The following CYB5D2 variants were observed in gnomAD, a reference collection of about 807,000 sequenced individuals.
CYB5D2 encodes the protein neuferricin.
Under a neutral mutation model 22.8 loss-of-function variants are expected in CYB5D2, and 23 were observed. The ratio of observed to expected loss-of-function variants is 1.01; its 90% CI spans 0.73 to 1.43. The LOEUF (loss-of-function observed/expected upper bound fraction) is 1.43. Among genes scored for constraint, CYB5D2 ranks in the 40% most tolerant of loss-of-function variants. The pLI is 0.00. For synonymous variants in CYB5D2, 170 were observed against 152.2 expected, an observed-to-expected ratio of 1.12 and a Z score of -0.86; for missense variants, 373 against 357.2, an observed-to-expected ratio of 1.04 and a Z score of -0.36.
Position 4,143,382 on chromosome 17 carries a change from C to T in CYB5D2, c.-374C>T, listed in dbSNP as rs1289909117. On this transcript the variant is annotated 5_prime_UTR_variant, in exon 1 of 4. Transcript: ENST00000301391. ...TCTCTACTAAATACAAAATATTAGC[C>T]GGACGTGGGGGCGCGTGCCTGTAAT... is the stretch of plus-strand genomic sequence containing the variant. 12 of 188,152 alleles carry T rather than the reference C, an allele frequency of 6.4e-5. No individual in the cohort carries two copies. In the East Asian group the frequency reaches 1.8e-3, roughly 27 times the overall value. 11.7% of individuals were successfully genotyped at this position (188,152 alleles called of 1,614,324 possible).
chr17:4,143,529 G>GAA lies in CYB5D2; in HGVS notation c.-213_-212dup, dbSNP rs57320078. 154 of 357,002 alleles carry GAA rather than the reference G, an allele frequency of 4.3e-4. No individual in the cohort carries two copies. The highest frequency in any genetic ancestry group is 5.3e-4 in the East Asian group (10 of 18,848). The allele number at this position is 357,002 out of a possible 1,614,324, so 22.1% of individuals were successfully genotyped here. On this transcript the variant is annotated 5_prime_UTR_variant, in exon 1 of 4. Coordinates refer to ENST00000301391, the MANE Select transcript of CYB5D2 (RefSeq NM_144611.4). ...CAACAAGAGCTAAAACTCTGTCTCA[G>GAA]AAAAAAAAAAAAAAAGTACCTGGAA... is the stretch of plus-strand genomic sequence containing the variant.
In CYB5D2 at chr17:4,147,777, TG is replaced by T. The variant is rs543190029; in HGVS notation, c.251-2111del. Among the ~76,000 whole-genome samples, 11 of 152,150 alleles carry T rather than the reference TG, an allele frequency of 7.2e-5. No individual in the cohort carries two copies. In the South Asian group the frequency reaches 2.3e-3, roughly 32 times the overall value. ...CTGAGGCAGGAGAATTGCTTGAACC[TG>T]GGAGGCAGAGGTTGCGGTGAGCCGA... On this transcript the variant is annotated intron_variant, in intron 1 of 3. Transcript: ENST00000301391.
intron 1 of CYB5D2, among the ~76,000 whole-genome samples, chr17:4,147,236 A>G (rs2059002165): frequency 6.6e-6 from 1 of 152,074 alleles, no homozygotes; most frequent in African/African-American, 2.4e-5. Flanking sequence ...GCACCACTGC[A>G]CTCCAGCCTG....
At chr17:4,146,067 G>A (rs1177006229) in intron 1 of CYB5D2, among the ~76,000 whole-genome samples, 1 of 152,146 alleles carries the variant, frequency 6.6e-6, no homozygotes, top group African/African-American at 2.4e-5. Flanking sequence ...TGGGATTACA[G>A]GTGTGAGCCA....
chr17:4,149,130 A>G (rs528025683), intron 1 of CYB5D2, among the ~76,000 whole-genome samples: 2 of 152,250 alleles, frequency 1.3e-5, no homozygotes, highest in East Asian at 1.9e-4. Context: ...TGATCTTGTG[A>G]TATCTGTAAG....
In CYB5D2 at chr17:4,143,761, G is replaced by GAGGCCTATAT. The variant is rs748340832; in HGVS notation, c.9_10insCCTATATAGG (p.Cys4ProfsTer3). On this transcript the variant is annotated frameshift_variant, in exon 1 of 4. Coordinates refer to ENST00000301391, the MANE Select transcript of CYB5D2 (RefSeq NM_144611.4). LOFTEE classifies it high-confidence loss of function. ...GAGCGGGTGGGCCTATATAGATGTT[G>GAGGCCTATAT]AGGTGCGGAGGCCGTGGGCTTTTGT... The GAGGCCTATAT allele has an allele frequency of 3.8e-5, 62 of 1,613,300 alleles. No individual in the cohort carries two copies. In the Middle Eastern group the frequency reaches 5.1e-4, roughly 13 times the overall value.
chr17:4,157,238 C>G lies in CYB5D2; in HGVS notation c.*156C>G. ...TGCAAATGTGGCTCATGCCCCTTACCGTGGCTCGGCGTTGTGGTGCCTGAG... is the reference window on the plus strand; with the variant it reads ...TGCAAATGTGGCTCATGCCCCTTACGGTGGCTCGGCGTTGTGGTGCCTGAG... On this transcript the variant is annotated 3_prime_UTR_variant, in exon 4 of 4. Coordinates refer to ENST00000301391, the MANE Select transcript of CYB5D2 (RefSeq NM_144611.4). This position sits in a 1 kb window ranked among gnomAD's most constrained non-coding sequence, Gnocchi z 4.4. 1.2e-6 allele frequency: 1 copy of G among 845,244 alleles called. No homozygotes were observed. Among genetic ancestry groups the G allele is most frequent in the East Asian group, 2.7e-5 (1 of 37,538 alleles). 52.4% of individuals were successfully genotyped at this position (845,244 alleles called of 1,614,324 possible).
In CYB5D2 at chr17:4,143,354, C is replaced by T. The variant is rs2058910420; in HGVS notation, c.-402C>T. The T allele has an allele frequency of 5.7e-6, 1 of 176,306 alleles. No homozygotes were observed. The highest frequency in any genetic ancestry group is 2.4e-5 in the African/African-American group (1 of 42,028). 10.9% of individuals were successfully genotyped at this position (176,306 alleles called of 1,614,324 possible). A position where few individuals can be genotyped will look rare whatever the true frequency, so the allele number is the denominator to read the frequency against. On this transcript the variant is annotated 5_prime_UTR_variant, in exon 1 of 4. Transcript: ENST00000301391. ...CCAGCCTGACCAACGTGGTGAAACCCTGTCTCTACTAAATACAAAATATTA... is the reference window on the plus strand; with the variant it reads ...CCAGCCTGACCAACGTGGTGAAACCTTGTCTCTACTAAATACAAAATATTA...
chr17:4,154,883 C>T (rs1444531271), intron 3 of CYB5D2, 23 bp downstream of exon 3: 1 of 1,537,772 alleles, frequency 6.5e-7, no homozygotes, highest in African/African-American at 1.4e-5. Flanking sequence ...CCCTTCTTCT[C>T]CTTTCTGCCT....
intron 2 of CYB5D2, among the ~76,000 whole-genome samples, chr17:4,153,915 G>A (rs540813884): frequency 1.8e-4 from 28 of 152,308 alleles, no homozygotes; most frequent in African/African-American, 6.3e-4. Flanking sequence ...CACTAGAATC[G>A]AAGGTAAAGC....
In CYB5D2 at chr17:4,154,744, G is replaced by C. The variant is rs748080113; in HGVS notation, c.462G>C (p.Ala154=). 2 of 1,614,178 alleles carry C rather than the reference G, an allele frequency of 1.2e-6. No individual in the cohort carries two copies. The highest frequency in any genetic ancestry group is 2.2e-5 in the South Asian group (2 of 91,078). Residue 154 remains alanine (A), a synonymous_variant, in exon 3 of 4, where the codon GCG becomes GCC. Coordinates refer to ENST00000301391, the MANE Select transcript of CYB5D2 (RefSeq NM_144611.4). ...PTPALTQVEA[A]ITRGLEANKL... is the part of the protein sequence containing the mutation. ...CGGCACTGACCCAGGTAGAAGCTGC[G>C]ATCACCAGAGGCTTGGAGGCCAACA...
At chr17:4,144,153 A>T in intron 1 of CYB5D2, 148 bp downstream of exon 1, 1 of 1,147,046 alleles carries the variant, frequency 8.7e-7, no homozygotes, top group Non-Finnish European at 1.2e-6. Flanking sequence ...GACGAGCTGC[A>T]TGCACTATCC....
At chr17:4,149,279 C>T (rs2142993713) in intron 1 of CYB5D2, among the ~76,000 whole-genome samples, 1 of 152,164 alleles carries the variant, frequency 6.6e-6, no homozygotes, top group Middle Eastern at 3.4e-3. Flanking sequence ...AGGGTGTGGA[C>T]AGTAATTGAC....
At chr17:4,155,410 G>A (rs2142995255) in intron 3 of CYB5D2, among the ~76,000 whole-genome samples, 1 of 152,258 alleles carries the variant, frequency 6.6e-6, no homozygotes, top group South Asian at 2.1e-4. Flanking sequence ...TTGAGCTCAG[G>A]AGTTGGAGTC....
At chr17:4,144,092 A>G (rs1325725247) in intron 1 of CYB5D2, 87 bp downstream of exon 1, 20 of 1,487,568 alleles carry the variant, frequency 1.3e-5, no homozygotes, top group Admixed American at 6.7e-5. Context: ...TTATTCATCT[A>G]TTTCCCCCCC....
In CYB5D2 at chr17:4,143,557, A is replaced by G; in HGVS notation, c.-199A>G. ...AAAAAAAAAAAAAGTACCTGGAAAAAGTCGCAGACAGCGAGCTTTTCGCCA... is the reference window on the plus strand; with the variant it reads ...AAAAAAAAAAAAAGTACCTGGAAAAGGTCGCAGACAGCGAGCTTTTCGCCA... On this transcript the variant is annotated 5_prime_UTR_variant, in exon 1 of 4. Transcript: ENST00000301391. 1 of 634,862 alleles carries G rather than the reference A, an allele frequency of 1.6e-6. No homozygotes were observed. Among genetic ancestry groups the G allele is most frequent in the Non-Finnish European group, 2.5e-6 (1 of 398,694 alleles). 39.3% of individuals were successfully genotyped at this position (634,862 alleles called of 1,614,324 possible).
intron 3 of CYB5D2, among the ~76,000 whole-genome samples, chr17:4,156,463 G>T (rs1034167845): frequency 6.6e-6 from 1 of 152,266 alleles, no homozygotes; most frequent in Non-Finnish European, 1.5e-5. Flanking sequence ...CCTGACCTGC[G>T]CTGGGTTGTA....
At chr17:4,144,162 C>T (rs1011901438) in intron 1 of CYB5D2, among the ~76,000 whole-genome samples, 157 bp downstream of exon 1, 1 of 152,096 alleles carries the variant, frequency 6.6e-6, no homozygotes, top group African/African-American at 2.4e-5. Context: ...CATGCACTAT[C>T]CTTCTAGGCT....
intron 1 of CYB5D2, 124 bp from the exon 2 acceptor site, chr17:4,149,766 TC>T: frequency 8.1e-7 from 1 of 1,239,108 alleles, no homozygotes; most frequent in Non-Finnish European, 1.1e-6. Context: ...GCCACTGCAC[TC>T]CAGCCTGGGC....
Sources: allele counts gnomAD v4.1 joint callset (sites outside exome capture counted in the v4.1 genomes callset), GRCh38; gene constraint gnomAD v4.1.1; non-coding constraint Gnocchi (gnomAD v3.1); transcripts MANE v1.5; gene names NCBI Gene and HGNC (gene_info 2026-07-23, HGNC 2026-07-21).